ALG14: variants seen among roughly 807,000 people sequenced by gnomAD.
The protein encoded by ALG14 is ALG14 UDP-N-acetylglucosaminyltransferase subunit, also known as UDP-N-acetylglucosamine transferase subunit ALG14.
ALG14 carries 17 observed loss-of-function variants against 22.8 expected under a neutral mutation model. The observed-to-expected ratio is 0.75, with a 90% CI of 0.51 to 1.12. The LOEUF (loss-of-function observed/expected upper bound fraction) is 1.12. Ranked by LOEUF, ALG14 falls within the 50% of genes most tolerant of loss-of-function variation. The pLI, the probability that ALG14 is intolerant of heterozygous loss-of-function variation, is 0.00. For synonymous variants in ALG14, 89 were observed against 103.7 expected (o/e 0.86, Z 0.86); for missense variants, 288 against 271.8 (o/e 1.06, Z -0.42).
chr1:95,036,678 C>T (rs1366828469), intron 2 of ALG14, among the ~76,000 whole-genome samples: 3 of 152,044 alleles, frequency 2.0e-5, no homozygotes, highest in Admixed American at 6.6e-5. Context: ...CCGCCCACCT[C>T]GACCTCCCAA....
chr1:95,044,575 C>A (rs889150657), intron 2 of ALG14, among the ~76,000 whole-genome samples: 5 of 152,114 alleles, frequency 3.3e-5, no homozygotes, highest in African/African-American at 9.7e-5. Flanking sequence ...ACTCTTCTCT[C>A]AGGAGTCCCC....
intron 2 of ALG14, among the ~76,000 whole-genome samples, chr1:95,054,132 T>G (rs903497419): frequency 2.6e-5 from 4 of 152,188 alleles, no homozygotes; most frequent in African/African-American, 9.7e-5. Context: ...ACAGCACAAA[T>G]TACAATATTA....
Position 94,976,420 on chromosome 1 carries a change from T to G in ALG14, c.*6656A>C, listed in dbSNP as rs1428460930. ...TCTCAGATGGCCCCCAGAACGGGCA[T>G]GGTGGCTGACGCCTGTAATTCCAGC... is the stretch of plus-strand genomic sequence containing the variant. On this transcript the variant is annotated 3_prime_UTR_variant, in exon 4 of 4. Transcript: ENST00000370205. 1 of 152,058 alleles carries G rather than the reference T, an allele frequency of 6.6e-6. No homozygotes were observed. The highest frequency in any genetic ancestry group is 1.5e-5 in the Non-Finnish European group (1 of 68,004). The allele number at this position is 152,058 out of a possible 1,614,324, so 9.4% of individuals were successfully genotyped here.
At chr1:95,051,467 C>A (rs1200187171) in intron 2 of ALG14, among the ~76,000 whole-genome samples, 3 of 152,182 alleles carry the variant, frequency 2.0e-5, no homozygotes, top group Non-Finnish European at 2.9e-5. Context: ...CCTGCTTTTG[C>A]CCTTCTCCCC....
chr1:95,013,827 T>C (rs1673434407), intron 3 of ALG14, among the ~76,000 whole-genome samples: 1 of 152,132 alleles, frequency 6.6e-6, no homozygotes, highest in Admixed American at 6.5e-5. Context: ...GCTTGGATAT[T>C]TTACTGTTCT....
intron 2 of ALG14, among the ~76,000 whole-genome samples, chr1:95,063,778 T>A (rs1325063099): frequency 6.6e-6 from 1 of 152,222 alleles, no homozygotes; most frequent in Non-Finnish European, 1.5e-5. Context: ...CCTTTTTGGT[T>A]CCATATGAAT....
At chr1:95,031,576 C>T (rs1674002371) in intron 2 of ALG14, among the ~76,000 whole-genome samples, 1 of 152,184 alleles carries the variant, frequency 6.6e-6, no homozygotes, top group Non-Finnish European at 1.5e-5. Context: ...TCCACCTACA[C>T]ATCCCCCCAC....
intron 3 of ALG14, among the ~76,000 whole-genome samples, chr1:95,000,777 T>TAAAAA (rs56810994): frequency 1.1e-4 from 7 of 65,166 alleles, no homozygotes; most frequent in Non-Finnish European, 1.6e-4. Context: ...TATGCCACAC[T>TAAAAA]AAAAAAAAAA....
Position 94,977,948 on chromosome 1 carries a change from G to A in ALG14, c.*5128C>T, listed in dbSNP as rs1342272954. ...TTACAAGTGTGAAACACTGTGCCCA[G>A]CCAGTTTTCAATAATTTTTTAGTAT... On this transcript the variant is annotated 3_prime_UTR_variant, in exon 4 of 4. Transcript: ENST00000370205. The A allele has an allele frequency of 1.3e-5, 2 of 152,092 alleles. No individual in the cohort carries two copies. Among genetic ancestry groups the A allele is most frequent in the East Asian group, 3.9e-4 (2 of 5,168 alleles). The allele number at this position is 152,092 out of a possible 1,614,324, so 9.4% of individuals were successfully genotyped here.
At chr1:94,998,495 T>TA (rs1412934165) in intron 3 of ALG14, among the ~76,000 whole-genome samples, 1 of 152,246 alleles carries the variant, frequency 6.6e-6, no homozygotes, top group East Asian at 1.9e-4. Context: ...GCAAGTGTGC[T>TA]AAAATCCATG....
chr1:94,982,453 T>C lies in ALG14; in HGVS notation c.*623A>G, dbSNP rs931269976. The C allele has an allele frequency of 1.3e-5, 2 of 152,490 alleles. No homozygotes were observed. The highest frequency in any genetic ancestry group is 4.8e-5 in the African/African-American group (2 of 41,398). The allele number at this position is 152,490 out of a possible 1,614,324, so 9.4% of individuals were successfully genotyped here. A position where few individuals can be genotyped will look rare whatever the true frequency, so the allele number is the denominator to read the frequency against. On this transcript the variant is annotated 3_prime_UTR_variant, in exon 4 of 4. Transcript: ENST00000370205. ...ACAAGAGATTTTAAAAGATACTCTG[T>C]ATTAAGGCCAACTACTCAAAAAGCA...
chr1:94,986,290 T>C (rs902742190), intron 3 of ALG14, among the ~76,000 whole-genome samples: 1 of 152,180 alleles, frequency 6.6e-6, no homozygotes, highest in Admixed American at 6.5e-5. Flanking sequence ...GTGTATACTC[T>C]GCACCTAGAA....
At chr1:95,032,393 T>C (rs1484563519) in intron 2 of ALG14, among the ~76,000 whole-genome samples, 1 of 152,104 alleles carries the variant, frequency 6.6e-6, no homozygotes, top group Admixed American at 6.6e-5. Context: ...GGAGAGAGGC[T>C]GGGGTAGTGC....
chr1:95,019,654 G>A (rs1557956210), intron 3 of ALG14, among the ~76,000 whole-genome samples: 1 of 152,198 alleles, frequency 6.6e-6, no homozygotes, highest in Non-Finnish European at 1.5e-5. Flanking sequence ...CCTGGTATGA[G>A]TGGAATTTCA....
intron 1 of ALG14, 52 bp downstream of exon 1, chr1:95,072,711 T>C (rs898491611): frequency 1.1e-5 from 17 of 1,603,348 alleles, no homozygotes; most frequent in African/African-American, 1.4e-5. Context: ...CGGTGCACTC[T>C]GGGGTTTGTA....
intron 2 of ALG14, among the ~76,000 whole-genome samples, chr1:95,040,332 T>A (rs1674340621): frequency 6.6e-6 from 1 of 152,200 alleles, no homozygotes; most frequent in Admixed American, 6.5e-5. Flanking sequence ...TACTCATATG[T>A]TGCTTCATGA....
At chr1:95,042,208 TGAA>T (rs1043393882) in intron 2 of ALG14, among the ~76,000 whole-genome samples, 10 of 152,156 alleles carry the variant, frequency 6.6e-5, no homozygotes, top group Non-Finnish European at 1.0e-4. Context: ...CCTACTCTTT[TGAA>T]GAAGCCCCCA....
At chr1:95,026,494 GTGTGTGTGTA>G (rs1281173366) in intron 3 of ALG14, among the ~76,000 whole-genome samples, 3 of 151,860 alleles carry the variant, frequency 2.0e-5, no homozygotes, top group African/African-American at 7.3e-5. Context: ...GTGTGTGTGT[GTGTGTGTGTA>G]TGTGTGTGTG....
At chr1:94,997,022 A>G (rs539381140) in intron 3 of ALG14, among the ~76,000 whole-genome samples, 2 of 152,266 alleles carry the variant, frequency 1.3e-5, no homozygotes, top group Admixed American at 6.5e-5. Flanking sequence ...GCATCCAGAG[A>G]ATATGGACAG....
Sources: allele counts gnomAD v4.1 joint callset (sites outside exome capture counted in the v4.1 genomes callset), GRCh38; gene constraint gnomAD v4.1.1; transcripts MANE v1.5; gene names NCBI Gene and HGNC (gene_info 2026-07-23, HGNC 2026-07-21).